LRCH3: variants seen among roughly 807,000 people sequenced by gnomAD.
The protein encoded by LRCH3 is leucine rich repeats and calponin homology domain containing 3.
In LRCH3, 68 loss-of-function variants were observed where a neutral mutation model predicts 104.5. The ratio of observed to expected loss-of-function variants is 0.65; its 90% confidence interval spans 0.54 to 0.80. LRCH3 has a LOEUF of 0.80. LRCH3 is among the 30% of genes least tolerant of loss of function. LRCH3 has a pLI of 0.00. For synonymous variants in LRCH3, 344 were observed against 361.3 expected (o/e 0.95, Z 0.54); for missense variants, 951 against 953.9 (o/e 1.00, Z 0.04).
intron 2 of LRCH3, among the ~76,000 whole-genome samples, chr3:197,816,662 T>C (rs533148129): frequency 1.3e-5 from 2 of 152,354 alleles, no homozygotes; most frequent in South Asian, 2.1e-4. Context: ...GTAACTTAGT[T>C]GGTGTGATCT....
chr3:197,808,809 T>C (rs1180727751), intron 1 of LRCH3, among the ~76,000 whole-genome samples: 1 of 151,512 alleles, frequency 6.6e-6, no homozygotes, highest in Non-Finnish European at 1.5e-5. Flanking sequence ...AAGGCTGAGG[T>C]GGGAGGATCA....
At position 197,883,222 on chromosome 3, in the gene LRCH3, T is replaced by TCATC; in HGVS notation, c.2209-318_2209-315dup. On this transcript the variant is annotated intron_variant, in intron 20 of 20. Transcript: ENST00000425562. The surrounding 1 kb of genome is among the most constrained non-coding windows in gnomAD (Gnocchi z 4.2). ...TTATAGACCTGTATTGACCTTTTAT[T>TCATC]CATCAGGGATAAAGGATGTTGCTTT... 9.6e-7 allele frequency: 1 copy of TCATC among 1,038,646 alleles called. No homozygotes were observed. Among genetic ancestry groups the TCATC allele is most frequent in the Non-Finnish European group, 1.2e-6 (1 of 864,134 alleles). 64.3% of individuals were successfully genotyped at this position (1,038,646 alleles called of 1,614,324 possible).
intron 13 of LRCH3, 79 bp downstream of exon 13, chr3:197,852,699 G>A (rs1290089303): frequency 3.6e-6 from 5 of 1,401,742 alleles, no homozygotes; most frequent in Non-Finnish European, 1.0e-6. Context: ...TAATTGTCAT[G>A]TTTTCAGTGC....
intron 20 of LRCH3, chr3:197,880,977 T>C (rs1713709543): frequency 1.5e-6 from 2 of 1,335,848 alleles, no homozygotes; most frequent in East Asian, 6.2e-5. Flanking sequence ...GTGGCCTTGT[T>C]TCTCTTACCA....
Position 197,866,108 on chromosome 3 carries a change from T to G in LRCH3, c.1766-4T>G. On this transcript the variant is annotated splice_polypyrimidine_tract_variant and splice_region_variant and intron_variant, in intron 16 of 20. Transcript: ENST00000425562. ...ATCTCATTTTATTTTTCATGCTAAT[T>G]TAGTTCATCATTCCCCTGCATATTC... is the stretch of plus-strand genomic sequence containing the variant. 6.3e-7 allele frequency: 1 copy of G among 1,599,370 alleles called. No homozygotes were observed. Among genetic ancestry groups the G allele is most frequent in the Non-Finnish European group, 8.6e-7 (1 of 1,166,482 alleles).
At chr3:197,802,242 A>G (rs889135810) in intron 1 of LRCH3, among the ~76,000 whole-genome samples, 2 of 152,236 alleles carry the variant, frequency 1.3e-5, no homozygotes, top group East Asian at 3.8e-4. Context: ...TCAGGGTATG[A>G]GATCCTGTAT....
At chr3:197,832,386 AC>A in intron 8 of LRCH3, 69 bp downstream of exon 8, 1 of 1,536,388 alleles carries the variant, frequency 6.5e-7, no homozygotes, top group African/African-American at 1.4e-5. Context: ...TCTTTTTCAT[AC>A]CCACTCCTTT....
At chr3:197,843,606 C>T (rs916179465) in intron 10 of LRCH3, among the ~76,000 whole-genome samples, 1 of 152,136 alleles carries the variant, frequency 6.6e-6, no homozygotes, top group Non-Finnish European at 1.5e-5. Context: ...ATTGCTTGAA[C>T]TTAGAAGGCA....
At chr3:197,855,665 T>G (rs1740150236) in intron 14 of LRCH3, among the ~76,000 whole-genome samples, 1 of 152,174 alleles carries the variant, frequency 6.6e-6, no homozygotes, top group African/African-American at 2.4e-5. Context: ...GTGGTATAAG[T>G]CTGAGTGCCA....
chr3:197,858,963 T>C (rs1412852727), intron 15 of LRCH3, 58 bp downstream of exon 15: 2 of 1,296,462 alleles, frequency 1.5e-6, no homozygotes, highest in Non-Finnish European at 2.2e-6. Context: ...ATATAAGGTC[T>C]TGAATTTTTT....
intron 10 of LRCH3, among the ~76,000 whole-genome samples, chr3:197,845,617 A>G (rs904449503): frequency 9.9e-5 from 15 of 151,950 alleles, no homozygotes; most frequent in African/African-American, 3.6e-4. Flanking sequence ...TAAAAAATTG[A>G]AAAGCGGCTG....
At chr3:197,796,998 C>T (rs1731279138) in intron 1 of LRCH3, among the ~76,000 whole-genome samples, 1 of 151,956 alleles carries the variant, frequency 6.6e-6, no homozygotes, top group Non-Finnish European at 1.5e-5. Flanking sequence ...CAAGACCAGC[C>T]TGGCCAACAT....
intron 4 of LRCH3, among the ~76,000 whole-genome samples, chr3:197,824,664 C>A (rs903883130): frequency 2.7e-5 from 4 of 150,472 alleles, no homozygotes; most frequent in African/African-American, 9.8e-5. Context: ...CCCCCCCGTC[C>A]CGGGTTCAAG....
chr3:197,863,760 G>A (rs543898886), intron 15 of LRCH3, among the ~76,000 whole-genome samples: 11 of 152,272 alleles, frequency 7.2e-5, no homozygotes, highest in African/African-American at 2.4e-4. Context: ...TACTAGTGTA[G>A]AAAATATATC....
intron 17 of LRCH3, among the ~76,000 whole-genome samples, chr3:197,866,587 T>C (rs1353676302): frequency 1.3e-5 from 2 of 152,244 alleles, no homozygotes; most frequent in Non-Finnish European, 2.9e-5. Flanking sequence ...TCTCATGTTC[T>C]TTTAGTTAAT....
In LRCH3 at chr3:197,830,857, G is replaced by C; in HGVS notation, c.975G>C (p.Gly325=). 1 of 1,612,968 alleles carries C rather than the reference G, an allele frequency of 6.2e-7. No individual in the cohort carries two copies. Among genetic ancestry groups the C allele is most frequent in the Non-Finnish European group, 8.5e-7 (1 of 1,178,994 alleles). The change falls in exon 7 of 21, where the codon GGG becomes GGC. Residue 325 remains glycine, a synonymous_variant. Coordinates refer to ENST00000425562, the MANE Select transcript of LRCH3 (RefSeq NM_001365715.1). Reference sequence around the variant, plus strand: ...ACAGTGGTGATAAGAGATGGTCAGGGAATGAAGTAAGTGTTTTTTATGTTC... The same window carrying C: ...ACAGTGGTGATAAGAGATGGTCAGGCAATGAAGTAAGTGTTTTTTATGTTC... The part of the protein sequence containing the change: ...SVDSGDKRWS[G]NEPTDEFSDL...
intron 15 of LRCH3, among the ~76,000 whole-genome samples, chr3:197,862,304 G>A (rs1327936451): frequency 6.6e-6 from 1 of 152,166 alleles, no homozygotes; most frequent in Non-Finnish European, 1.5e-5. Flanking sequence ...GCCTGTTGCT[G>A]TTTCAAACCG....
At chr3:197,868,015 C>A (rs1711551725) in intron 17 of LRCH3, among the ~76,000 whole-genome samples, 3 of 151,984 alleles carry the variant, frequency 2.0e-5, no homozygotes, top group Admixed American at 2.0e-4. Context: ...CAAAGTGAAA[C>A]CCTGTCTCAA....
chr3:197,860,867 A>G (rs1165933204), intron 15 of LRCH3, among the ~76,000 whole-genome samples: 1 of 151,838 alleles, frequency 6.6e-6, no homozygotes, highest in Non-Finnish European at 1.5e-5. Flanking sequence ...TGGACCCATT[A>G]ACTGTCCCCA....
Sources: gnomAD v4.1 joint callset for allele counts (sites outside exome capture counted in the v4.1 genomes callset) on GRCh38, gnomAD v4.1.1 for gene constraint, Gnocchi (gnomAD v3.1) non-coding constraint, MANE v1.5 for transcripts, NCBI Gene and HGNC (gene_info 2026-07-23, HGNC 2026-07-21) for gene names.